Variants in KCNB2 observed in about 807,000 individuals in gnomAD.
KCNB2 encodes the protein potassium voltage-gated channel subfamily B member 2.
A neutral mutation model predicts 61.5 loss-of-function variants in KCNB2; 15 were observed. That is an observed-to-expected ratio of 0.24 (90% CI 0.16 to 0.38). The LOEUF is 0.38. KCNB2 is among the 10% of genes least tolerant of loss of function. KCNB2 has a pLI of 1.00. For missense variants in KCNB2, 828 were observed against 1,125.2 expected, an observed-to-expected ratio of 0.74 and a Z score of 3.78; for synonymous variants, 457 against 446.0, an observed-to-expected ratio of 1.02 and a Z score of -0.31.
intron 2 of KCNB2, among the ~76,000 whole-genome samples, chr8:72,612,539 G>A (rs535621394): frequency 1.3e-5 from 2 of 152,248 alleles, no homozygotes; most frequent in East Asian, 1.9e-4. Flanking sequence ...ATTACATCAT[G>A]GAAGATGCTA....
chr8:72,676,847 A>G (rs1262520766), intron 2 of KCNB2, among the ~76,000 whole-genome samples: 1 of 152,088 alleles, frequency 6.6e-6, no homozygotes, highest in Non-Finnish European at 1.5e-5. Context: ...ATCTGAATCC[A>G]TACACATTCT....
chr8:72,785,587 A>C (rs1808833576), intron 2 of KCNB2, among the ~76,000 whole-genome samples: 1 of 152,160 alleles, frequency 6.6e-6, no homozygotes, highest in Non-Finnish European at 1.5e-5. Context: ...GCCCTAAGAG[A>C]GATGATACCA....
intron 2 of KCNB2, among the ~76,000 whole-genome samples, chr8:72,870,128 T>C (rs1805593084): frequency 6.6e-6 from 1 of 152,140 alleles, no homozygotes; most frequent in Admixed American, 6.6e-5. Flanking sequence ...TTATATGAAG[T>C]TCCTAGAGTA....
chr8:72,849,927 A>T (rs189487927), intron 2 of KCNB2, among the ~76,000 whole-genome samples: 2 of 152,254 alleles, frequency 1.3e-5, no homozygotes, highest in East Asian at 3.9e-4. Context: ...ATCGAGGGTC[A>T]GTTATCTACA....
At chr8:72,746,370 T>C (rs2053421) in intron 2 of KCNB2, among the ~76,000 whole-genome samples, 47,670 of 151,978 alleles carry the variant, frequency 0.31, 7,925 homozygotes, top group East Asian at 0.54. Context: ...TTTTGTCCAA[T>C]TGAGAGTGGT....
intron 2 of KCNB2, among the ~76,000 whole-genome samples, chr8:72,890,947 G>A (rs1417008724): frequency 6.6e-6 from 1 of 152,144 alleles, no homozygotes; most frequent in Non-Finnish European, 1.5e-5. Context: ...GAATCCTAAG[G>A]AATACCAAGT....
intron 2 of KCNB2, among the ~76,000 whole-genome samples, chr8:72,678,047 C>T (rs1379269332): frequency 1.3e-5 from 2 of 152,192 alleles, no homozygotes; most frequent in Non-Finnish European, 2.9e-5. Flanking sequence ...GGTTCTTCCT[C>T]AGTTTAAACA....
chr8:72,654,821 C>T (rs184587141), intron 2 of KCNB2, among the ~76,000 whole-genome samples: 4 of 152,130 alleles, frequency 2.6e-5, no homozygotes, highest in African/African-American at 9.6e-5. Flanking sequence ...GACGAGGTTA[C>T]GGGGAAAAGG....
At chr8:72,611,596 G>A (rs2128983415) in intron 2 of KCNB2, among the ~76,000 whole-genome samples, 1 of 152,302 alleles carries the variant, frequency 6.6e-6, no homozygotes, top group African/African-American at 2.4e-5. Context: ...TTTAGGAACA[G>A]GAAGGCAGAG....
chr8:72,732,419 C>T (rs1288646413), intron 2 of KCNB2, among the ~76,000 whole-genome samples: 1 of 152,250 alleles, frequency 6.6e-6, no homozygotes, highest in Non-Finnish European at 1.5e-5. Context: ...TGCTGAGAGG[C>T]AGCCCACAGG....
intron 2 of KCNB2, among the ~76,000 whole-genome samples, chr8:72,897,189 A>G (rs551063977): frequency 6.6e-6 from 1 of 152,218 alleles, no homozygotes; most frequent in African/African-American, 2.4e-5. Context: ...TTACACCTAG[A>G]ATATAGTGGC....
At chr8:72,771,656 C>A (rs1808562462) in intron 2 of KCNB2, among the ~76,000 whole-genome samples, 1 of 151,926 alleles carries the variant, frequency 6.6e-6, no homozygotes, top group Non-Finnish European at 1.5e-5. Flanking sequence ...AGGCAAGGAG[C>A]AAGTAGGCGC....
chr8:72,937,346 A>G lies in KCNB2; in HGVS notation c.1991A>G (p.Asp664Gly). Residue 664 changes from aspartate (D) to glycine (G), a missense_variant, in exon 3 of 3, where the codon GAT (aspartate) becomes GGT (glycine). Transcript: ENST00000523207. ...LSREKGPAARDGTLEYAPVDI... is the reference protein window; with the variant it reads ...LSREKGPAARGGTLEYAPVDI... ...AGAGAGAAAGGACCTGCTGCCAGGGATGGCACGCTGGAGTATGCCCCAGTT... is the reference window on the plus strand; with the variant it reads ...AGAGAGAAAGGACCTGCTGCCAGGGGTGGCACGCTGGAGTATGCCCCAGTT... 6.2e-7 allele frequency: 1 copy of G among 1,614,038 alleles called. No individual in the cohort carries two copies. The highest frequency in any genetic ancestry group is 8.5e-7 in the Non-Finnish European group (1 of 1,179,998).
intron 2 of KCNB2, among the ~76,000 whole-genome samples, chr8:72,923,244 C>T (rs1307208679): frequency 2.0e-5 from 3 of 151,668 alleles, no homozygotes; most frequent in Admixed American, 2.0e-4. Flanking sequence ...TAAAAAGTTA[C>T]CTGACTCTGT....
At position 72,665,437 on chromosome 8, in the gene KCNB2, G is replaced by T. The variant is rs563186363; in HGVS notation, c.579+97124G>T. Among the ~76,000 whole-genome samples the T allele has an allele frequency of 4.6e-5, 7 of 152,172 alleles. No individual in the cohort carries two copies. The East Asian group carries it at 1.4e-3, about 29-fold the overall frequency. On this transcript the variant is annotated intron_variant, in intron 2 of 2. Transcript: ENST00000523207. ...CAGGCCTGTCACAGACCTGCTGCTTGTCCCTCCTATCCCCATTTAAAAAGT... is the reference window on the plus strand; with the variant it reads ...CAGGCCTGTCACAGACCTGCTGCTTTTCCCTCCTATCCCCATTTAAAAAGT...
At chr8:72,697,530 T>C (rs1563562753) in intron 2 of KCNB2, among the ~76,000 whole-genome samples, 1 of 152,026 alleles carries the variant, frequency 6.6e-6, no homozygotes, top group African/African-American at 2.4e-5. Flanking sequence ...TAATCACTAC[T>C]TGAGAGGCTG....
intron 1 of KCNB2, among the ~76,000 whole-genome samples, chr8:72,545,117 C>T (rs1209964345): frequency 6.6e-6 from 1 of 152,174 alleles, no homozygotes; most frequent in Admixed American, 6.5e-5. Flanking sequence ...AGAAAACAAC[C>T]TGAATCTCAC....
chr8:72,893,788 G>A (rs750442032), intron 2 of KCNB2, among the ~76,000 whole-genome samples: 1 of 152,088 alleles, frequency 6.6e-6, no homozygotes, highest in Non-Finnish European at 1.5e-5. Flanking sequence ...GAATTGATTT[G>A]CTACATAGCC....
chr8:72,811,540 A>G (rs1271447651), intron 2 of KCNB2, among the ~76,000 whole-genome samples: 1 of 152,232 alleles, frequency 6.6e-6, no homozygotes, highest in Non-Finnish European at 1.5e-5. Flanking sequence ...GTATTTATGT[A>G]TACAGAGACT....
Sources: allele counts gnomAD v4.1 joint callset (sites outside exome capture counted in the v4.1 genomes callset), GRCh38; gene constraint gnomAD v4.1.1; transcripts MANE v1.5; gene names NCBI Gene and HGNC (gene_info 2026-07-23, HGNC 2026-07-21).